Variants in DCC observed in about 807,000 individuals in gnomAD.
DCC encodes netrin receptor DCC.
Under a neutral mutation model 172.5 loss-of-function variants are expected in DCC, and 58 were observed. The ratio of observed to expected loss-of-function variants is 0.34; its 90% confidence interval spans 0.27 to 0.42. The LOEUF (loss-of-function observed/expected upper bound fraction) is 0.42. Ranked by LOEUF, DCC falls within the 10% of genes least tolerant of loss-of-function variation. The pLI is 1.00. For missense variants in DCC, 1,740 were observed against 1,791.0 expected, an observed-to-expected ratio of 0.97 and a Z score of 0.51; for synonymous variants, 709 against 644.5, an observed-to-expected ratio of 1.10 and a Z score of -1.52.
chr18:53,406,639 T>TG (rs914187062), intron 19 of DCC, among the ~76,000 whole-genome samples: 2 of 145,798 alleles, frequency 1.4e-5, no homozygotes, highest in African/African-American at 5.0e-5. Context: ...GGGAGGCGGG[T>TG]GTTGCAGCGA....
intron 1 of DCC, among the ~76,000 whole-genome samples, chr18:52,634,697 G>C (rs1340090569): frequency 6.6e-6 from 1 of 152,084 alleles, no homozygotes; most frequent in Non-Finnish European, 1.5e-5. Flanking sequence ...CTTAGTGGTA[G>C]AGACCCATAA....
At chr18:53,344,129 A>G (rs182453848) in intron 15 of DCC, among the ~76,000 whole-genome samples, 1 of 151,642 alleles carries the variant, frequency 6.6e-6, no homozygotes, top group African/African-American at 2.4e-5. Flanking sequence ...TTTCATTTCT[A>G]CTGTTATCTT....
intron 1 of DCC, among the ~76,000 whole-genome samples, chr18:52,429,652 A>G (rs1987554364): frequency 6.6e-6 from 1 of 152,134 alleles, no homozygotes; most frequent in Non-Finnish European, 1.5e-5. Flanking sequence ...AAAGCAGAAA[A>G]TGGCCATGTT....
intron 27 of DCC, among the ~76,000 whole-genome samples, chr18:53,510,285 T>C (rs2046234485): frequency 6.6e-6 from 1 of 152,210 alleles, no homozygotes; most frequent in Non-Finnish European, 1.5e-5. Flanking sequence ...TCACCCCAGG[T>C]TGAACAGCAT....
intron 7 of DCC, among the ~76,000 whole-genome samples, chr18:53,109,560 C>T (rs2043300022): frequency 6.6e-6 from 1 of 150,934 alleles, no homozygotes; most frequent in Admixed American, 6.6e-5. Context: ...CCTCTTCCTT[C>T]ATTCCTTCCC....
At chr18:53,325,174 C>G (rs1342413171) in intron 14 of DCC, among the ~76,000 whole-genome samples, 11 of 114,810 alleles carry the variant, frequency 9.6e-5, no homozygotes, top group Non-Finnish European at 1.8e-4. Flanking sequence ...GCCTGTGAGA[C>G]AGAGCAAGCA....
chr18:52,809,821 T>C (rs934797539), intron 2 of DCC, among the ~76,000 whole-genome samples: 1 of 152,204 alleles, frequency 6.6e-6, no homozygotes, highest in South Asian at 2.1e-4. Context: ...GGGGTTTATA[T>C]CTCAATCATT....
chr18:53,130,099 A>G (rs1439012447), intron 7 of DCC, among the ~76,000 whole-genome samples: 2 of 151,856 alleles, frequency 1.3e-5, no homozygotes, highest in South Asian at 2.1e-4. Context: ...TTGCTTGTCT[A>G]TTTTTCTTGT....
Position 53,468,232 on chromosome 18 carries a change from A to G in DCC, c.3736+222A>G, listed in dbSNP as rs183107692. On this transcript the variant is annotated intron_variant, in intron 25 of 28. Transcript: ENST00000442544. Reference sequence around the variant, plus strand: ...AATCAGATGGTCTGTTGGCAAACAGATGGATATATATTTAAGAAATTGTTT... The same window carrying G: ...AATCAGATGGTCTGTTGGCAAACAGGTGGATATATATTTAAGAAATTGTTT... Among the ~76,000 whole-genome samples, 3 of 152,024 alleles carry G rather than the reference A, an allele frequency of 2.0e-5. No homozygotes were observed. In the East Asian group the frequency reaches 5.8e-4, roughly 29 times the overall value.
intron 2 of DCC, among the ~76,000 whole-genome samples, chr18:52,864,404 G>T (rs192867605): frequency 3.9e-5 from 6 of 152,280 alleles, no homozygotes; most frequent in African/African-American, 1.4e-4. Context: ...TGAACCTAGA[G>T]AAAGTTCAGA....
intron 1 of DCC, among the ~76,000 whole-genome samples, chr18:52,556,947 A>G (rs2032930935): frequency 6.6e-6 from 1 of 152,188 alleles, no homozygotes; most frequent in Admixed American, 6.6e-5. Flanking sequence ...AACATTTTGG[A>G]TACCAAGCAA....
chr18:52,833,837 AT>A (rs1313256782), intron 2 of DCC, among the ~76,000 whole-genome samples: 6 of 151,832 alleles, frequency 4.0e-5, no homozygotes, highest in East Asian at 1.9e-4. Context: ...ATTAAAAAAA[AT>A]TTTTTTGTAG....
intron 2 of DCC, among the ~76,000 whole-genome samples, chr18:52,836,710 G>C (rs1450252345): frequency 2.0e-5 from 3 of 152,200 alleles, no homozygotes; most frequent in Non-Finnish European, 4.4e-5. Context: ...CTGCTTTCAT[G>C]GGCTGGCATT....
At chr18:53,259,295 C>T (rs1380877079) in intron 12 of DCC, among the ~76,000 whole-genome samples, 2 of 152,196 alleles carry the variant, frequency 1.3e-5, no homozygotes, top group African/African-American at 4.8e-5. Flanking sequence ...GATGCCGTTT[C>T]TTCCTAACCT....
intron 7 of DCC, among the ~76,000 whole-genome samples, chr18:53,070,196 C>T (rs2042633702): frequency 6.6e-6 from 1 of 152,068 alleles, no homozygotes; most frequent in South Asian, 2.1e-4. Flanking sequence ...GACAGGGTTT[C>T]ACCAGATTAG....
chr18:52,691,929 A>G (rs572734515), intron 1 of DCC, among the ~76,000 whole-genome samples: 1 of 152,316 alleles, frequency 6.6e-6, no homozygotes, highest in Non-Finnish European at 1.5e-5. Context: ...AGGGAAAAAG[A>G]GAGTAACAGA....
At chr18:53,381,206 A>G (rs1423482529) in intron 15 of DCC, among the ~76,000 whole-genome samples, 2 of 75,060 alleles carry the variant, frequency 2.7e-5, no homozygotes, top group African/African-American at 4.2e-5. Flanking sequence ...AGTACCAAGT[A>G]AGGTATTTTT....
intron 21 of DCC, among the ~76,000 whole-genome samples, chr18:53,422,882 G>A (rs752317171): frequency 6.6e-6 from 1 of 151,920 alleles, no homozygotes; most frequent in African/African-American, 2.4e-5. Context: ...TTTATTATTC[G>A]GCTGCTTGCT....
intron 23 of DCC, among the ~76,000 whole-genome samples, chr18:53,454,770 TATTTTA>T (rs1435886797): frequency 1.3e-5 from 2 of 152,206 alleles, no homozygotes; most frequent in Non-Finnish European, 2.9e-5. Context: ...AAATCTACAG[TATTTTA>T]ACTATTATAG....
Sources: allele counts gnomAD v4.1 joint callset (sites outside exome capture counted in the v4.1 genomes callset), GRCh38; gene constraint gnomAD v4.1.1; transcripts MANE v1.5; gene names NCBI Gene and HGNC (gene_info 2026-07-23, HGNC 2026-07-21).